PPP1R21: variants seen among roughly 807,000 people sequenced by gnomAD.
PPP1R21 encodes protein phosphatase 1 regulatory subunit 21, also known as KLRAQ motif containing 1.
Under a neutral mutation model 112.8 loss-of-function variants are expected in PPP1R21, and 85 were observed. The observed-to-expected ratio is 0.75, with a 90% CI of 0.63 to 0.90. The LOEUF (loss-of-function observed/expected upper bound fraction) is 0.90. Among genes scored for constraint, PPP1R21 ranks in the 40% least tolerant of loss-of-function variants. The probability of loss-of-function intolerance (pLI) is 0.00; values close to 1 mark genes in which losing one functional copy is unlikely to be tolerated. For missense variants in PPP1R21, 1,199 were observed against 901.5 expected (o/e 1.33, Z -4.23); for synonymous variants, 381 against 322.3 (o/e 1.18, Z -1.95).
chr2:48,449,335 A>C (rs1329040556), intron 1 of PPP1R21, among the ~76,000 whole-genome samples: 1 of 152,202 alleles, frequency 6.6e-6, no homozygotes, highest in East Asian at 1.9e-4. Context: ...AGGGTAAATG[A>C]ATTTACCCAT....
chr2:48,474,590 T>G, intron 11 of PPP1R21, 93 bp from the exon 12 acceptor site: 1 of 1,132,790 alleles, frequency 8.8e-7, no homozygotes, highest in Non-Finnish European at 1.3e-6. Context: ...ATATCTCTCT[T>G]TGGATATAGT....
chr2:48,494,836 G>A (rs1336814700), intron 15 of PPP1R21, among the ~76,000 whole-genome samples: 1 of 152,150 alleles, frequency 6.6e-6, no homozygotes, highest in Non-Finnish European at 1.5e-5. Flanking sequence ...TCCTGCCTCA[G>A]CCTCCTGAGT....
rs930752823 is a variant in PPP1R21, at chr2:48,491,374, C to T, written c.1599+204C>T. ...CCTGAGAAGCAGCGTTGCCTATATT[C>T]GTAGGCCATGTTGGACTCATGTCCC... On this transcript the variant is annotated intron_variant, in intron 15 of 21. Coordinates refer to ENST00000294952, the MANE Select transcript of PPP1R21 (RefSeq NM_001135629.3). 3.3e-5 allele frequency among the ~76,000 whole-genome samples: 5 copies of T among 152,044 alleles called. No individual in the cohort carries two copies. In the East Asian group the frequency reaches 5.8e-4, roughly 18 times the overall value.
At chr2:48,487,709 C>T (rs111383054) in intron 14 of PPP1R21, among the ~76,000 whole-genome samples, 8 of 149,056 alleles carry the variant, frequency 5.4e-5, no homozygotes, top group Non-Finnish European at 1.2e-4. Flanking sequence ...TGCAGTGAGC[C>T]GTGTGTGAGC....
At chr2:48,465,392 C>T (rs1356054482) in intron 8 of PPP1R21, 101 bp from the exon 9 acceptor site, 2 of 1,061,722 alleles carry the variant, frequency 1.9e-6, no homozygotes, top group African/African-American at 1.6e-5. Flanking sequence ...AAGGAATAAT[C>T]ACACTAGGAT....
intron 11 of PPP1R21, among the ~76,000 whole-genome samples, chr2:48,473,440 A>G (rs1489950557): frequency 6.6e-6 from 1 of 152,076 alleles, no homozygotes; most frequent in East Asian, 1.9e-4. Context: ...ATCTTGCTTC[A>G]TTTTTTCCAT....
intron 2 of PPP1R21, among the ~76,000 whole-genome samples, chr2:48,454,038 C>A (rs1426263539): frequency 2.0e-5 from 3 of 149,112 alleles, no homozygotes; most frequent in Non-Finnish European, 2.9e-5. Context: ...GCAGGTGGAT[C>A]ACCTGAGGTC....
chr2:48,463,978 A>T (rs1668093399), intron 7 of PPP1R21, among the ~76,000 whole-genome samples: 1 of 152,152 alleles, frequency 6.6e-6, no homozygotes, highest in African/African-American at 2.4e-5. Context: ...ATGCCATGGG[A>T]AATAAAATAG....
chr2:48,489,797 G>A (rs1382164420), intron 14 of PPP1R21, among the ~76,000 whole-genome samples: 2 of 151,962 alleles, frequency 1.3e-5, no homozygotes, highest in Non-Finnish European at 2.9e-5. Flanking sequence ...TGTAATTCCA[G>A]CACTTTGGGA....
chr2:48,489,784 G>A (rs1380481085), intron 14 of PPP1R21, among the ~76,000 whole-genome samples: 4 of 151,694 alleles, frequency 2.6e-5, no homozygotes, highest in South Asian at 2.1e-4. Context: ...GGTGGCTCAC[G>A]CCTGTAATTC....
intron 13 of PPP1R21, among the ~76,000 whole-genome samples, chr2:48,484,506 A>T (rs1261449670): frequency 7.2e-6 from 1 of 138,544 alleles, no homozygotes; most frequent in Non-Finnish European, 1.5e-5. Flanking sequence ...GACTAAATAA[A>T]GAATAAACTT....
chr2:48,478,519 A>G (rs550429376), intron 12 of PPP1R21, among the ~76,000 whole-genome samples: 134 of 152,258 alleles, frequency 8.8e-4, no homozygotes, highest in African/African-American at 3.1e-3. Flanking sequence ...ACCCAGGTTT[A>G]AGCTCTGCTG....
At chr2:48,442,122 A>G (rs1388328413) in intron 1 of PPP1R21, among the ~76,000 whole-genome samples, 1 of 152,192 alleles carries the variant, frequency 6.6e-6, no homozygotes, top group African/African-American at 2.4e-5. Context: ...CCTGTGGCAC[A>G]ATGTTAGTGA....
chr2:48,454,771 A>G (rs1380170212), intron 3 of PPP1R21, 30 bp downstream of exon 3: 1 of 1,580,136 alleles, frequency 6.3e-7, no homozygotes, highest in East Asian at 2.2e-5. Flanking sequence ...AGTTAGTGTG[A>G]CCTTGTCGTT....
chr2:48,465,094 T>A, intron 8 of PPP1R21, 105 bp downstream of exon 8: 1 of 843,494 alleles, frequency 1.2e-6, no homozygotes, highest in Non-Finnish European at 1.9e-6. Context: ...ATTCAGTCAT[T>A]GCATTTAACT....
chr2:48,500,629 G>A (rs1670067275), intron 17 of PPP1R21, among the ~76,000 whole-genome samples: 1 of 152,142 alleles, frequency 6.6e-6, no homozygotes. Context: ...TTCCTAGTTT[G>A]GGCTGGGTGC....
intron 9 of PPP1R21, among the ~76,000 whole-genome samples, chr2:48,466,688 G>C (rs1481174373): frequency 6.6e-6 from 1 of 152,140 alleles, no homozygotes; most frequent in Non-Finnish European, 1.5e-5. Context: ...GTTTAAATAG[G>C]AGGAGAGAAG....
chr2:48,490,714 A>T (rs1669523773), intron 14 of PPP1R21, among the ~76,000 whole-genome samples: 1 of 152,218 alleles, frequency 6.6e-6, no homozygotes, highest in Non-Finnish European at 1.5e-5. Flanking sequence ...TGAGGTAAAG[A>T]GCTCATGAAA....
In PPP1R21 at chr2:48,440,798, A is replaced by C; in HGVS notation, c.-156A>C. 3 of 632,104 alleles carry C rather than the reference A, an allele frequency of 4.7e-6. No homozygotes were observed. The highest frequency in any genetic ancestry group is 5.7e-6 in the Non-Finnish European group (2 of 353,826). The allele number at this position is 632,104 out of a possible 1,614,324, so 39.2% of individuals were successfully genotyped here. A position where few individuals can be genotyped will look rare whatever the true frequency, so the allele number is the denominator to read the frequency against. On this transcript the variant is annotated 5_prime_UTR_variant, in exon 1 of 22. Coordinates refer to ENST00000294952, the MANE Select transcript of PPP1R21 (RefSeq NM_001135629.3). ...CTTCCTCCCACCCCGGGAACCCGGA[A>C]GTGGAGGAGGAGGCGCGGCGGCGGC... is the stretch of plus-strand genomic sequence containing the variant.
Sources: allele counts gnomAD v4.1 joint callset (sites outside exome capture counted in the v4.1 genomes callset), GRCh38; gene constraint gnomAD v4.1.1; transcripts MANE v1.5; gene names NCBI Gene and HGNC (gene_info 2026-07-23, HGNC 2026-07-21).